PPIP5K2: variants seen among roughly 807,000 people sequenced by gnomAD.
PPIP5K2 encodes the protein inositol hexakisphosphate and diphosphoinositol-pentakisphosphate kinase 2.
A neutral mutation model predicts 154.6 loss-of-function variants in PPIP5K2; 105 were observed. That is an observed-to-expected ratio of 0.68 (90% CI 0.58 to 0.80). PPIP5K2 has a LOEUF of 0.80. PPIP5K2 is among the 30% of genes least tolerant of loss of function. The pLI is 0.00. For missense variants in PPIP5K2, 992 were observed against 1,504.6 expected (o/e 0.66, Z 5.64); for synonymous variants, 480 against 490.3 (o/e 0.98, Z 0.28).
intron 1 of PPIP5K2, among the ~76,000 whole-genome samples, chr5:103,123,562 C>T (rs1417015351): frequency 6.6e-6 from 1 of 152,164 alleles, no homozygotes; most frequent in African/African-American, 2.4e-5. Flanking sequence ...ATTTAGAAAT[C>T]AGGTTTAAGG....
chr5:103,126,399 A>T (rs1789675203), intron 1 of PPIP5K2, among the ~76,000 whole-genome samples: 1 of 152,168 alleles, frequency 6.6e-6, no homozygotes, highest in Non-Finnish European at 1.5e-5. Context: ...TTGGATACAT[A>T]CTTTTTTTTC....
At chr5:103,161,227 T>G (rs1366826473) in intron 17 of PPIP5K2, among the ~76,000 whole-genome samples, 1 of 151,852 alleles carries the variant, frequency 6.6e-6, no homozygotes, top group Non-Finnish European at 1.5e-5. Flanking sequence ...TTTTGTCCTT[T>G]CGATAGTTTG....
intron 3 of PPIP5K2, among the ~76,000 whole-genome samples, chr5:103,135,110 C>G (rs1791254161): frequency 6.6e-6 from 1 of 151,942 alleles, no homozygotes; most frequent in South Asian, 2.1e-4. Flanking sequence ...GATTTTTATC[C>G]TTTTCCATAG....
chr5:103,155,676 T>C (rs1462706409), intron 13 of PPIP5K2, among the ~76,000 whole-genome samples: 1 of 151,922 alleles, frequency 6.6e-6, no homozygotes, highest in African/African-American at 2.4e-5. Flanking sequence ...TCCACTCACC[T>C]CGGCCTCCCA....
chr5:103,205,414 G>A lies in PPIP5K2; in HGVS notation c.*3780G>A, dbSNP rs1231749164. ...TCTAGTTCTAGATCCTTGAGGAATCGCCACACTGTCTTCCACAATGGTTGA... is the reference window on the plus strand; with the variant it reads ...TCTAGTTCTAGATCCTTGAGGAATCACCACACTGTCTTCCACAATGGTTGA... On this transcript the variant is annotated 3_prime_UTR_variant, in exon 31 of 31. Coordinates refer to ENST00000358359, the MANE Select transcript of PPIP5K2 (RefSeq NM_001276277.3). The A allele has an allele frequency of 3.3e-5, 5 of 152,102 alleles. No individual in the cohort carries two copies. The highest frequency in any genetic ancestry group is 7.4e-5 in the Non-Finnish European group (5 of 68,018). The allele number at this position is 152,102 out of a possible 1,614,324, so 9.4% of individuals were successfully genotyped here.
At chr5:103,137,496 A>G (rs1791735457) in intron 4 of PPIP5K2, among the ~76,000 whole-genome samples, 1 of 152,164 alleles carries the variant, frequency 6.6e-6, no homozygotes, top group Non-Finnish European at 1.5e-5. Flanking sequence ...AAGTATACCT[A>G]TTTTGAAAAA....
chr5:103,158,996 A>G, intron 16 of PPIP5K2, 150 bp from the exon 17 acceptor site: 1 of 626,994 alleles, frequency 1.6e-6, no homozygotes, highest in Non-Finnish European at 2.4e-6. Flanking sequence ...CTTTCAAGTA[A>G]AACTCTAAAA....
At chr5:103,196,871 A>G (rs1295050731) in intron 30 of PPIP5K2, among the ~76,000 whole-genome samples, 1 of 152,156 alleles carries the variant, frequency 6.6e-6, no homozygotes, top group Non-Finnish European at 1.5e-5. Flanking sequence ...TGAACAGAGT[A>G]GCATGTCACT....
chr5:103,129,400 A>G lies in PPIP5K2; in HGVS notation c.-190A>G, dbSNP rs1554201763. The G allele has an allele frequency of 2.4e-5, 9 of 380,486 alleles. No individual in the cohort carries two copies. In the South Asian group the frequency reaches 5.5e-4, roughly 23 times the overall value. 23.6% of individuals were successfully genotyped at this position (380,486 alleles called of 1,614,324 possible). The stretch of plus-strand genomic sequence containing the variant: ...CAACTTTGATATCAACAATGAAGCA[A>G]TGATATCTAAGAACAAAAGAGTATT... On this transcript the variant is annotated 5_prime_UTR_variant, in exon 2 of 31. An upstream start codon of the reference 5' UTR is lost. Transcript: ENST00000358359.
intron 29 of PPIP5K2, among the ~76,000 whole-genome samples, chr5:103,192,368 T>C (rs1378321367): frequency 3.9e-5 from 6 of 152,118 alleles, no homozygotes; most frequent in Non-Finnish European, 5.9e-5. Flanking sequence ...CCTGCTAGAA[T>C]GGACAATGCT....
In PPIP5K2 at chr5:103,210,831, T is replaced by C. The variant is rs782085393; in HGVS notation, c.*9197T>C. 2 of 152,162 alleles carry C rather than the reference T, an allele frequency of 1.3e-5. No homozygotes were observed. Among genetic ancestry groups the C allele is most frequent in the Non-Finnish European group, 2.9e-5 (2 of 67,998 alleles). 9.4% of individuals were successfully genotyped at this position (152,162 alleles called of 1,614,324 possible). A position where few individuals can be genotyped will look rare whatever the true frequency, so the allele number is the denominator to read the frequency against. On this transcript the variant is annotated 3_prime_UTR_variant, in exon 31 of 31. Transcript: ENST00000358359. ...TTTGCATAATAGCTTTTTGTTATTA[T>C]CCAGAATACATTTAGTTCTGGATTT...
chr5:103,190,675 A>G (rs1801094553), intron 28 of PPIP5K2, among the ~76,000 whole-genome samples, 167 bp from the exon 29 acceptor site: 1 of 151,992 alleles, frequency 6.6e-6, no homozygotes, highest in African/African-American at 2.4e-5. Flanking sequence ...TTCCAGCTCC[A>G]TATTGCATAG....
At chr5:103,194,392 G>A (rs1323863874) in intron 29 of PPIP5K2, among the ~76,000 whole-genome samples, 4 of 152,080 alleles carry the variant, frequency 2.6e-5, no homozygotes, top group Non-Finnish European at 5.9e-5. Flanking sequence ...GGGGTCAAGC[G>A]ATCCTCCTGC....
In PPIP5K2 at chr5:103,158,260, T is replaced by C; in HGVS notation, c.1562T>C (p.Val521Ala). 6.2e-7 allele frequency: 1 copy of C among 1,614,070 alleles called. No homozygotes were observed. The highest frequency in any genetic ancestry group is 1.1e-5 in the South Asian group (1 of 91,078). Residue 521 changes from valine to alanine, a missense_variant, in exon 15 of 31, where the codon GTC becomes GCC. Physicochemically the swap from Val to Ala is moderately conservative, Grantham distance 64 (BLOSUM62 0). Transcript: ENST00000358359. Reference protein sequence around the residue: ...WGGELTPAGRVQAEELGRAFR... With the variant: ...WGGELTPAGRAQAEELGRAFR... ...GGTGAATTAACTCCTGCAGGCAGGG[T>C]CCAGGCTGAAGAACTTGGAAGAGCC...
intron 28 of PPIP5K2, chr5:103,189,250 A>T: frequency 2.7e-6 from 4 of 1,487,842 alleles, no homozygotes; most frequent in Non-Finnish European, 3.6e-6. Context: ...GCTTCTAAAC[A>T]TGTCAGCAGG....
chr5:103,135,393 G>A (rs771501087), intron 3 of PPIP5K2, among the ~76,000 whole-genome samples: 37 of 152,152 alleles, frequency 2.4e-4, no homozygotes, highest in Non-Finnish European at 4.3e-4. Flanking sequence ...TACAACTGAT[G>A]ATGTGTATTG....
At position 103,207,989 on chromosome 5, in the gene PPIP5K2, C is replaced by T. The variant is rs1803606913; in HGVS notation, c.*6355C>T. On this transcript the variant is annotated 3_prime_UTR_variant, in exon 31 of 31. Transcript: ENST00000358359. ...TTATATGAGATAAATTTCTTTCTGG[C>T]TCATCTATTTGATACAATTTCTTTT... 1 of 151,384 alleles carries T rather than the reference C, an allele frequency of 6.6e-6. No individual in the cohort carries two copies. Among genetic ancestry groups the T allele is most frequent in the African/African-American group, 2.4e-5 (1 of 41,394 alleles). 9.4% of individuals were successfully genotyped at this position (151,384 alleles called of 1,614,324 possible). A position where few individuals can be genotyped will look rare whatever the true frequency, so the allele number is the denominator to read the frequency against.
At chr5:103,184,889 A>G (rs1800125957) in intron 26 of PPIP5K2, 145 bp downstream of exon 26, 2 of 559,830 alleles carry the variant, frequency 3.6e-6, no homozygotes, top group South Asian at 3.1e-5. Flanking sequence ...GTTGAGTTGT[A>G]TAACTCAAAA....
rs1803253308 is a variant in PPIP5K2, at chr5:103,203,142, T to C, written c.*1508T>C. ...GTGAAAATGTAGTTAATGTACTCACTGTGGAGGTCATAAGGAAGCTACTTT... is the reference window on the plus strand; with the variant it reads ...GTGAAAATGTAGTTAATGTACTCACCGTGGAGGTCATAAGGAAGCTACTTT... On this transcript the variant is annotated 3_prime_UTR_variant, in exon 31 of 31. Coordinates refer to ENST00000358359, the MANE Select transcript of PPIP5K2 (RefSeq NM_001276277.3). The C allele has an allele frequency of 6.6e-6, 1 of 152,548 alleles. No homozygotes were observed. The highest frequency in any genetic ancestry group is 2.1e-4 in the South Asian group (1 of 4,826). The allele number at this position is 152,548 out of a possible 1,614,324, so 9.4% of individuals were successfully genotyped here.
Sources: allele counts gnomAD v4.1 joint callset (sites outside exome capture counted in the v4.1 genomes callset), GRCh38; gene constraint gnomAD v4.1.1; transcripts MANE v1.5; gene names NCBI Gene and HGNC (gene_info 2026-07-23, HGNC 2026-07-21).